Variants in XKR4 observed in about 807,000 individuals in gnomAD.
XKR4 encodes the protein XK-related protein 4.
In XKR4, 12 loss-of-function variants were observed where a neutral mutation model predicts 53.9. The observed-to-expected ratio is 0.22, with a 90% confidence interval of 0.14 to 0.36. The LOEUF (loss-of-function observed/expected upper bound fraction) is 0.36. Among genes scored for constraint, XKR4 ranks in the 10% least tolerant of loss-of-function variants. XKR4 has a pLI of 1.00. For missense variants in XKR4, 799 were observed against 859.5 expected (o/e 0.93, Z 0.88); for synonymous variants, 354 against 362.4 (o/e 0.98, Z 0.26).
chr8:55,484,099 C>A (rs1425582544), intron 2 of XKR4, among the ~76,000 whole-genome samples: 1 of 152,090 alleles, frequency 6.6e-6, no homozygotes, highest in Admixed American at 6.5e-5. Flanking sequence ...CGAACCAATT[C>A]CTTAAAACAC....
intron 2 of XKR4, among the ~76,000 whole-genome samples, chr8:55,428,521 C>T (rs968178959): frequency 2.6e-5 from 4 of 152,232 alleles, no homozygotes; most frequent in Non-Finnish European, 5.9e-5. Context: ...GACTTCCACC[C>T]TGGTCAGGCT....
At chr8:55,229,850 T>C (rs1040688071) in intron 1 of XKR4, among the ~76,000 whole-genome samples, 2 of 150,832 alleles carry the variant, frequency 1.3e-5, no homozygotes, top group South Asian at 2.1e-4. Context: ...CCGGTATAAC[T>C]ATTGTTAAGT....
chr8:55,269,323 G>C (rs1818655543), intron 1 of XKR4, among the ~76,000 whole-genome samples: 1 of 151,926 alleles, frequency 6.6e-6, no homozygotes, highest in Admixed American at 6.6e-5. Flanking sequence ...TGTGGAATAA[G>C]AGAGTTGATA....
At chr8:55,242,497 C>A (rs1207121017) in intron 1 of XKR4, among the ~76,000 whole-genome samples, 1 of 152,128 alleles carries the variant, frequency 6.6e-6, no homozygotes, top group East Asian at 1.9e-4. Flanking sequence ...GAAGCATAGA[C>A]AAGATTCTGA....
At chr8:55,453,568 T>C in intron 2 of XKR4, 1 of 384,764 alleles carries the variant, frequency 2.6e-6, no homozygotes. Flanking sequence ...CTGAGGGCCC[T>C]GTGGTCCTCC....
chr8:55,148,479 C>T (rs1816799091), intron 1 of XKR4, among the ~76,000 whole-genome samples: 1 of 152,108 alleles, frequency 6.6e-6, no homozygotes, highest in Non-Finnish European at 1.5e-5. Context: ...ATCCCTATCT[C>T]CTTGATGAGG....
chr8:55,140,353 T>C (rs2129354116), intron 1 of XKR4: 1 of 185,860 alleles, frequency 5.4e-6, no homozygotes, highest in South Asian at 8.5e-5. Context: ...GTTCACACAC[T>C]GTTTAAGACT....
At chr8:55,214,665 G>A (rs1486417646) in intron 1 of XKR4, among the ~76,000 whole-genome samples, 1 of 152,074 alleles carries the variant, frequency 6.6e-6, no homozygotes, top group African/African-American at 2.4e-5. Flanking sequence ...TAATGACCGT[G>A]GTAATCTAGA....
chr8:55,167,716 C>T (rs1310659885), intron 1 of XKR4, among the ~76,000 whole-genome samples: 1 of 152,074 alleles, frequency 6.6e-6, no homozygotes, highest in Non-Finnish European at 1.5e-5. Context: ...TGGGAGTCAC[C>T]AACTAACAGA....
intron 2 of XKR4, chr8:55,454,336 G>C: frequency 6.6e-7 from 1 of 1,505,260 alleles, no homozygotes; most frequent in Non-Finnish European, 9.2e-7. Context: ...GTGTGCTGAG[G>C]GCCTCCAGCA....
chr8:55,339,389 A>G (rs576187280), intron 1 of XKR4, among the ~76,000 whole-genome samples: 2 of 152,302 alleles, frequency 1.3e-5, no homozygotes, highest in African/African-American at 4.8e-5. Context: ...TATATAAAGC[A>G]TTTTACCAAT....
intron 2 of XKR4, among the ~76,000 whole-genome samples, chr8:55,490,215 C>G (rs1050945357): frequency 6.6e-6 from 1 of 151,996 alleles, no homozygotes; most frequent in African/African-American, 2.4e-5. Context: ...ATATGCGGTA[C>G]CTATACCCAT....
chr8:55,394,470 A>G (rs1292831753), intron 2 of XKR4, among the ~76,000 whole-genome samples: 1 of 152,232 alleles, frequency 6.6e-6, no homozygotes, highest in Non-Finnish European at 1.5e-5. Flanking sequence ...ATGAAAATAC[A>G]TTTGTTTTAT....
chr8:55,124,932 T>C (rs1473065579), intron 1 of XKR4, among the ~76,000 whole-genome samples: 2 of 152,358 alleles, frequency 1.3e-5, no homozygotes, highest in African/African-American at 4.8e-5. Context: ...GTGATTAGTC[T>C]ATCCATGCTT....
At chr8:55,491,067 A>G (rs1362893501) in intron 2 of XKR4, among the ~76,000 whole-genome samples, 1 of 151,796 alleles carries the variant, frequency 6.6e-6, no homozygotes. Context: ...TTCTATTCCT[A>G]TGTATTCAAG....
intron 1 of XKR4, among the ~76,000 whole-genome samples, chr8:55,251,068 T>C (rs374125245): frequency 2.6e-5 from 4 of 152,198 alleles, no homozygotes; most frequent in Non-Finnish European, 5.9e-5. Context: ...CGTATAGATA[T>C]ATGTGTGGTA....
At chr8:55,124,410 T>G (rs1816433925) in intron 1 of XKR4, among the ~76,000 whole-genome samples, 1 of 152,234 alleles carries the variant, frequency 6.6e-6, no homozygotes, top group African/African-American at 2.4e-5. Flanking sequence ...GGTTTCCCTT[T>G]TCAAGGTTCC....
intron 2 of XKR4, among the ~76,000 whole-genome samples, chr8:55,479,363 C>T (rs1252961988): frequency 6.6e-6 from 1 of 151,924 alleles, no homozygotes. Context: ...AGAACAAAGA[C>T]ACAACATACC....
At chr8:55,366,862 T>A (rs1803996321) in intron 2 of XKR4, among the ~76,000 whole-genome samples, 1 of 152,166 alleles carries the variant, frequency 6.6e-6, no homozygotes, top group Non-Finnish European at 1.5e-5. Flanking sequence ...ACTGCCATCA[T>A]CACACAAACA....
Sources: allele counts gnomAD v4.1 joint callset (sites outside exome capture counted in the v4.1 genomes callset), GRCh38; gene constraint gnomAD v4.1.1; transcripts MANE v1.5; gene names NCBI Gene and HGNC (gene_info 2026-07-23, HGNC 2026-07-21).